The following CEP162 variants were observed in gnomAD, a reference collection of about 807,000 sequenced individuals.
CEP162 encodes centrosomal protein 162.
A neutral mutation model predicts 169.2 loss-of-function variants in CEP162; 141 were observed. The observed-to-expected ratio is 0.83, with a 90% CI of 0.73 to 0.96. CEP162 has a LOEUF of 0.96. CEP162 is among the 40% of genes least tolerant of loss of function. The pLI, the probability that CEP162 is intolerant of heterozygous loss-of-function variation, is 0.00. For synonymous variants in CEP162, 540 were observed against 526.4 expected (o/e 1.03, Z -0.35); for missense variants, 1,600 against 1,587.2 (o/e 1.01, Z -0.14).
intron 11 of CEP162, among the ~76,000 whole-genome samples, chr6:84,190,993 A>T (rs2099539645): frequency 6.6e-6 from 1 of 152,108 alleles, no homozygotes; most frequent in African/African-American, 2.4e-5. Context: ...CTTTTTAATG[A>T]GGTTGTTTTT....
intron 6 of CEP162, among the ~76,000 whole-genome samples, chr6:84,211,653 A>T (rs2127745276): frequency 6.6e-6 from 1 of 152,034 alleles, no homozygotes; most frequent in South Asian, 2.1e-4. Context: ...CAGAAAGAAA[A>T]AAAGTTTTTA....
At chr6:84,184,076 A>G (rs1170510810) in intron 13 of CEP162, among the ~76,000 whole-genome samples, 1 of 152,116 alleles carries the variant, frequency 6.6e-6, no homozygotes, top group Non-Finnish European at 1.5e-5. Context: ...CACAGTTCCT[A>G]GAATGCAGGA....
chr6:84,134,835 ATAAT>A (rs1201019817), intron 25 of CEP162, among the ~76,000 whole-genome samples: 4 of 151,806 alleles, frequency 2.6e-5, no homozygotes, highest in Admixed American at 2.6e-4. Context: ...CTTTTGATAA[ATAAT>A]TATATTATAA....
At chr6:84,137,273 T>C (rs923955421) in intron 25 of CEP162, among the ~76,000 whole-genome samples, 2 of 152,214 alleles carry the variant, frequency 1.3e-5, no homozygotes, top group African/African-American at 4.8e-5. Flanking sequence ...TGTGGCCTTA[T>C]GGTTGTTGTG....
At chr6:84,200,022 G>A (rs180878617) in intron 9 of CEP162, among the ~76,000 whole-genome samples, 20 of 152,088 alleles carry the variant, frequency 1.3e-4, no homozygotes, top group Admixed American at 3.3e-4. Context: ...AGGCTGAGGC[G>A]GGCGGATCAC....
chr6:84,221,897 T>G (rs757495459), intron 2 of CEP162, among the ~76,000 whole-genome samples: 3 of 152,104 alleles, frequency 2.0e-5, no homozygotes, highest in Non-Finnish European at 4.4e-5. Flanking sequence ...CTTCCTTCCT[T>G]GGTTATCCCA....
At chr6:84,225,525 T>C (rs571914837) in intron 2 of CEP162, among the ~76,000 whole-genome samples, 11 of 152,218 alleles carry the variant, frequency 7.2e-5, no homozygotes, top group Non-Finnish European at 1.5e-4. Flanking sequence ...TGCATGACTG[T>C]ACACAGAACG....
chr6:84,162,199 T>C (rs1007695752), intron 19 of CEP162, among the ~76,000 whole-genome samples: 11 of 152,158 alleles, frequency 7.2e-5, no homozygotes, highest in African/African-American at 2.4e-4. Flanking sequence ...ATTATAAAAG[T>C]AAAGTTGTTT....
intron 24 of CEP162, among the ~76,000 whole-genome samples, chr6:84,148,931 G>C (rs1018516426): frequency 9.2e-5 from 14 of 152,054 alleles, no homozygotes; most frequent in Non-Finnish European, 2.1e-4. Context: ...CAGAAGACAG[G>C]CCACATGGTA....
intron 3 of CEP162, 100 bp from the exon 4 acceptor site, chr6:84,216,022 T>C: frequency 2.2e-6 from 3 of 1,368,830 alleles, no homozygotes; most frequent in African/African-American, 3.0e-5. Flanking sequence ...TTGTGCACAG[T>C]AGCTATAAAA....
intron 23 of CEP162, 122 bp downstream of exon 23, chr6:84,152,423 T>C (rs1369267221): frequency 1.9e-5 from 10 of 522,070 alleles, no homozygotes; most frequent in Non-Finnish European, 1.9e-5. Context: ...TATAATTTAT[T>C]AATATTCACT....
chr6:84,155,154 G>A (rs1272201419), intron 22 of CEP162, 144 bp downstream of exon 22: 1 of 638,216 alleles, frequency 1.6e-6, no homozygotes, highest in East Asian at 2.8e-5. Context: ...GGATGCACTT[G>A]GTTTCTTTTG....
At position 84,211,873 on chromosome 6, in the gene CEP162, T is replaced by A. The variant is rs144813496; in HGVS notation, c.571+1084A>T. 7.9e-3 allele frequency among the ~76,000 whole-genome samples: 1,149 copies of A among 144,888 alleles called. 13 individuals carry two copies. The highest frequency in any genetic ancestry group is 0.028 in the African/African-American group (1,097 of 39,244). Reference sequence around the variant, plus strand: ...GAATAAATATAAGAAAAGCATACCATGATACACCATAGTCAAATTGCCAAA... The same window carrying A: ...GAATAAATATAAGAAAAGCATACCAAGATACACCATAGTCAAATTGCCAAA... On this transcript the variant is annotated intron_variant, in intron 6 of 26. Coordinates refer to ENST00000403245, the MANE Select transcript of CEP162 (RefSeq NM_014895.4).
At chr6:84,181,336 T>C (rs2099534725) in intron 13 of CEP162, among the ~76,000 whole-genome samples, 1 of 152,154 alleles carries the variant, frequency 6.6e-6, no homozygotes, top group Admixed American at 6.5e-5. Flanking sequence ...CCTTACACCT[T>C]ATACAAAAAT....
intron 3 of CEP162, chr6:84,217,654 T>C (rs1020013661): frequency 6.6e-6 from 1 of 152,374 alleles, no homozygotes; most frequent in African/African-American, 2.4e-5. Flanking sequence ...TGAGAAGCTA[T>C]TAGAGGGAAG....
At chr6:84,131,231 GAT>G (rs1205809323) in intron 25 of CEP162, among the ~76,000 whole-genome samples, 19 of 152,140 alleles carry the variant, frequency 1.2e-4, no homozygotes, top group Non-Finnish European at 1.0e-4. Flanking sequence ...TGTTTGTTAT[GAT>G]TTCCATTCTT....
intron 3 of CEP162, among the ~76,000 whole-genome samples, chr6:84,219,697 A>G (rs1289108993): frequency 6.6e-6 from 1 of 152,266 alleles, no homozygotes; most frequent in African/African-American, 2.4e-5. Context: ...AGTATTAAAA[A>G]GAACAGAGAA....
chr6:84,182,396 T>C (rs542652530), intron 13 of CEP162, among the ~76,000 whole-genome samples: 2 of 152,030 alleles, frequency 1.3e-5, no homozygotes, highest in South Asian at 4.2e-4. Context: ...AGTCTAAAAA[T>C]AAAAACACAA....
intron 25 of CEP162, among the ~76,000 whole-genome samples, chr6:84,135,847 C>T (rs1442846959): frequency 6.6e-6 from 1 of 152,240 alleles, no homozygotes; most frequent in South Asian, 2.1e-4. Flanking sequence ...TGGGCGACAA[C>T]AGTAAGACTG....
Sources: allele counts gnomAD v4.1 joint callset (sites outside exome capture counted in the v4.1 genomes callset), GRCh38; gene constraint gnomAD v4.1.1; transcripts MANE v1.5; gene names NCBI Gene and HGNC (gene_info 2026-07-23, HGNC 2026-07-21).